The following NCOA1 variants were observed in gnomAD, a reference collection of about 807,000 sequenced individuals.
NCOA1 encodes nuclear receptor coactivator 1.
Under a neutral mutation model 150.9 loss-of-function variants are expected in NCOA1, and 35 were observed. That is an observed-to-expected ratio of 0.23 (90% CI 0.18 to 0.31). The LOEUF is 0.31. NCOA1 is among the 10% of genes least tolerant of loss of function. NCOA1 has a pLI of 1.00. For synonymous variants in NCOA1, 590 were observed against 630.0 expected, an observed-to-expected ratio of 0.94 and a Z score of 0.95; for missense variants, 1,491 against 1,749.3, an observed-to-expected ratio of 0.85 and a Z score of 2.63.
At chr2:24,549,686 C>T (rs986798974) in intron 1 of NCOA1, among the ~76,000 whole-genome samples, 3 of 152,164 alleles carry the variant, frequency 2.0e-5, no homozygotes, top group African/African-American at 7.2e-5. Context: ...CCTGCCTCAG[C>T]CTGCTGAGTA....
At chr2:24,509,297 A>G (rs994050234) in intron 1 of NCOA1, among the ~76,000 whole-genome samples, 7 of 152,246 alleles carry the variant, frequency 4.6e-5, no homozygotes, top group Non-Finnish European at 8.8e-5. Context: ...TGAAACAGGG[A>G]GTTCAAGCCC....
At chr2:24,710,589 A>G (rs368310038) in intron 13 of NCOA1, among the ~76,000 whole-genome samples, 5 of 152,344 alleles carry the variant, frequency 3.3e-5, no homozygotes, top group Non-Finnish European at 2.9e-5. Flanking sequence ...AAAGTCACCC[A>G]TAATGCTATC....
chr2:24,619,993 T>C (rs1669052301), intron 3 of NCOA1, among the ~76,000 whole-genome samples: 1 of 152,158 alleles, frequency 6.6e-6, no homozygotes, highest in Non-Finnish European at 1.5e-5. Context: ...TACCTCTTCC[T>C]GACCTTCTCT....
intron 4 of NCOA1, among the ~76,000 whole-genome samples, chr2:24,646,259 C>A (rs1670469435): frequency 6.6e-6 from 1 of 152,152 alleles, no homozygotes; most frequent in Non-Finnish European, 1.5e-5. Flanking sequence ...TTATCTCTCT[C>A]TGTATTTACT....
chr2:24,560,966 A>T (rs933829830), intron 1 of NCOA1, among the ~76,000 whole-genome samples: 3 of 152,210 alleles, frequency 2.0e-5, no homozygotes, highest in African/African-American at 7.2e-5. Context: ...TAAATTCATA[A>T]AATCTAATTT....
At chr2:24,636,318 A>G (rs1485489012) in intron 3 of NCOA1, among the ~76,000 whole-genome samples, 1 of 152,134 alleles carries the variant, frequency 6.6e-6, no homozygotes, top group African/African-American at 2.4e-5. Flanking sequence ...ATTAATTCCA[A>G]AGTATTTTGT....
At chr2:24,686,087 C>T (rs530479550) in intron 8 of NCOA1, among the ~76,000 whole-genome samples, 6 of 152,252 alleles carry the variant, frequency 3.9e-5, no homozygotes, top group African/African-American at 1.2e-4. Flanking sequence ...CTGCAACCTC[C>T]GCCTCCTGGG....
At chr2:24,657,011 G>A (rs1163622176) in intron 4 of NCOA1, among the ~76,000 whole-genome samples, 1 of 152,176 alleles carries the variant, frequency 6.6e-6, no homozygotes, top group Non-Finnish European at 1.5e-5. Context: ...CAGATATATA[G>A]TAGTTCTATT....
At chr2:24,768,106 G>T (rs750895293) in intron 22 of NCOA1, 115 bp from the exon 23 acceptor site, 4 of 1,613,980 alleles carry the variant, frequency 2.5e-6, no homozygotes, top group Non-Finnish European at 3.4e-6. Context: ...GTTCTTCTCT[G>T]TGGTGACTAC....
intron 16 of NCOA1, among the ~76,000 whole-genome samples, chr2:24,728,803 A>G (rs1254262087): frequency 6.6e-6 from 1 of 152,228 alleles, no homozygotes; most frequent in Non-Finnish European, 1.5e-5. Flanking sequence ...ATTCCATGGT[A>G]TTGCAACTTC....
intron 1 of NCOA1, among the ~76,000 whole-genome samples, chr2:24,526,566 A>G (rs912114176): frequency 6.6e-6 from 1 of 152,154 alleles, no homozygotes; most frequent in Non-Finnish European, 1.5e-5. Flanking sequence ...ATTTCCATGA[A>G]ATAATCTAGG....
At chr2:24,758,655 T>G (rs186117578) in intron 21 of NCOA1, among the ~76,000 whole-genome samples, 2 of 152,142 alleles carry the variant, frequency 1.3e-5, no homozygotes, top group Non-Finnish European at 2.9e-5. Context: ...AAATAAGATT[T>G]CAGTTTCATG....
chr2:24,726,719 T>A lies in NCOA1; in HGVS notation c.2717+13T>A. The A allele has an allele frequency of 6.5e-7, 1 of 1,535,068 alleles. No individual in the cohort carries two copies. The highest frequency in any genetic ancestry group is 8.9e-7 in the Non-Finnish European group (1 of 1,122,624). On this transcript the variant is annotated intron_variant, in intron 15 of 22. Coordinates refer to ENST00000348332, the MANE Select transcript of NCOA1 (RefSeq NM_003743.5). ...GTAAATCAGAAGAGTAAGTAATACA[T>A]TTTGTATTTTATAAGGTATCAGATA...
At chr2:24,579,426 T>A (rs1039773569) in intron 2 of NCOA1, among the ~76,000 whole-genome samples, 1 of 152,158 alleles carries the variant, frequency 6.6e-6, no homozygotes, top group Non-Finnish European at 1.5e-5. Flanking sequence ...CAACAGAGTT[T>A]GATATTGAAA....
chr2:24,514,285 CAA>C (rs57412614), intron 1 of NCOA1, among the ~76,000 whole-genome samples: 18 of 32,918 alleles, frequency 5.5e-4, no homozygotes, highest in East Asian at 4.2e-3. Context: ...GACTCTGTCT[CAA>C]AAAAAAAAAA....
intron 3 of NCOA1, among the ~76,000 whole-genome samples, chr2:24,637,489 C>T (rs1209651064): frequency 6.6e-6 from 1 of 151,516 alleles, no homozygotes; most frequent in Admixed American, 6.6e-5. Flanking sequence ...GGCACATATA[C>T]ACCATGGAAT....
At chr2:24,601,612 CT>C (rs112063269) in intron 3 of NCOA1, among the ~76,000 whole-genome samples, 337 of 131,868 alleles carry the variant, frequency 2.6e-3, no homozygotes, top group Middle Eastern at 7.8e-3. Context: ...CTCCTTCCTC[CT>C]TTTTTTTTTT....
Position 24,687,931 on chromosome 2 carries a change from G to A in NCOA1, c.533-3550G>A, listed in dbSNP as rs1033901541. Among the ~76,000 whole-genome samples, 3 of 152,166 alleles carry A rather than the reference G, an allele frequency of 2.0e-5. No homozygotes were observed. The East Asian group carries it at 5.8e-4, about 29-fold the overall frequency. On this transcript the variant is annotated intron_variant, in intron 8 of 22. Coordinates refer to ENST00000348332, the MANE Select transcript of NCOA1 (RefSeq NM_003743.5). ...AGCCTCCACCCTCAATTAGGCCCCA[G>A]TGTCTGTTCTTCCCCTCTTTGTGTC...
intron 8 of NCOA1, among the ~76,000 whole-genome samples, chr2:24,689,638 G>A (rs1055996142): frequency 1.3e-5 from 2 of 152,098 alleles, no homozygotes; most frequent in Non-Finnish European, 2.9e-5. Context: ...TGATCTGCCC[G>A]CCTCAGCCTC....
Sources: gnomAD v4.1 joint callset for allele counts (sites outside exome capture counted in the v4.1 genomes callset) on GRCh38, gnomAD v4.1.1 for gene constraint, MANE v1.5 for transcripts, NCBI Gene and HGNC (gene_info 2026-07-23, HGNC 2026-07-21) for gene names.